Variants in SMG1 observed in about 807,000 individuals in gnomAD.
SMG1 encodes the protein SMG1 nonsense mediated mRNA decay associated PI3K related kinase.
Under a neutral mutation model 419.9 loss-of-function variants are expected in SMG1, and 22 were observed. That is an observed-to-expected ratio of 0.05 (90% CI 0.04 to 0.07). SMG1 has a LOEUF of 0.07. SMG1 is among the 10% of genes least tolerant of loss of function. SMG1 has a pLI of 1.00. For missense variants in SMG1, 3,185 were observed against 4,342.0 expected (o/e 0.73, Z 7.49); for synonymous variants, 1,538 against 1,553.5 (o/e 0.99, Z 0.23).
At position 18,812,144 on chromosome 16, in the gene SMG1, G is replaced by A; in HGVS notation, c.10622-17C>T. On this transcript the variant is annotated splice_polypyrimidine_tract_variant and intron_variant, in intron 60 of 62. Coordinates refer to ENST00000446231, the MANE Select transcript of SMG1 (RefSeq NM_015092.5). ...TCCGGACTGCTACAGAGAAAGAGTTGGTGGCTCAATTTACATGTAAACAGA... is the reference window on the plus strand; with the variant it reads ...TCCGGACTGCTACAGAGAAAGAGTTAGTGGCTCAATTTACATGTAAACAGA... The A allele has an allele frequency of 1.2e-6, 2 of 1,603,858 alleles. No homozygotes were observed. Among genetic ancestry groups the A allele is most frequent in the Non-Finnish European group, 1.7e-6 (2 of 1,175,052 alleles).
At chr16:18,919,806 A>C (rs2038124726) in intron 1 of SMG1, among the ~76,000 whole-genome samples, 1 of 151,658 alleles carries the variant, frequency 6.6e-6, no homozygotes, top group Admixed American at 6.6e-5. Context: ...ATCAAAACAA[A>C]AGGGGTTGGG....
intron 22 of SMG1, among the ~76,000 whole-genome samples, chr16:18,867,700 CTTT>C (rs778044384): frequency 3.9e-3 from 345 of 87,872 alleles, no homozygotes; most frequent in African/African-American, 0.01. Context: ...ATTTTAACTT[CTTT>C]TTTTTTTTTT....
chr16:18,856,164 G>A (rs145402185), intron 29 of SMG1, among the ~76,000 whole-genome samples: 1,957 of 139,604 alleles, frequency 0.014, 53 homozygotes, highest in African/African-American at 0.051. Context: ...GTTATTTGCT[G>A]TTCCTTCTTA....
intron 1 of SMG1, among the ~76,000 whole-genome samples, chr16:18,902,651 A>G (rs1279479093): frequency 6.6e-6 from 1 of 151,470 alleles, no homozygotes; most frequent in East Asian, 1.9e-4. Context: ...GGGCACAGTG[A>G]GCTGTGATCA....
At chr16:18,885,437 A>G (rs545532866) in intron 7 of SMG1, 104 bp downstream of exon 7, 2 of 1,403,916 alleles carry the variant, frequency 1.4e-6, no homozygotes, top group South Asian at 2.3e-5. Flanking sequence ...CACTGATTAT[A>G]TTCAAAGGAG....
intron 51 of SMG1, 108 bp from the exon 52 acceptor site, chr16:18,830,477 G>C: frequency 7.9e-7 from 1 of 1,261,652 alleles, no homozygotes; most frequent in Admixed American, 2.3e-5. Flanking sequence ...AGTCTAGAAA[G>C]CCTTCTGGCA....
At chr16:18,924,920 T>C (rs1298024864) in intron 1 of SMG1, 1 of 152,188 alleles carries the variant, frequency 6.6e-6, no homozygotes, top group Non-Finnish European at 1.5e-5. Context: ...ACAAAAGGGC[T>C]TCCCAACAAC....
In SMG1 at chr16:18,842,228, C is replaced by G; in HGVS notation, c.6446G>C (p.Ser2149Thr). 1 of 1,613,668 alleles carries G rather than the reference C, an allele frequency of 6.2e-7. No individual in the cohort carries two copies. The highest frequency in any genetic ancestry group is 1.1e-5 in the South Asian group (1 of 90,996). ...CCTACCTTTGAAAAGATAAGGATAG[C>G]TCTTCCCATCTGATCCAAGAAAGAG... is the stretch of plus-strand genomic sequence containing the variant. Reference protein sequence around the residue: ...KLLFLGSDGKSYPYLFKGLED... With the variant: ...KLLFLGSDGKTYPYLFKGLED... The change falls in exon 40 of 63, where the codon AGC (serine) becomes ACC (threonine). Residue 2149 changes from serine to threonine, a missense_variant. Ser to Thr is a moderately conservative substitution (Grantham distance 58). Around this residue, in one of 27 missense-constraint regions of SMG1, gnomAD observed 159 missense variants for 196.0 expected, o/e 0.81. Transcript: ENST00000446231.
rs780451096 is a variant in SMG1, at chr16:18,847,836, T to C, written c.5821A>G (p.Asn1941Asp). Residue 1941 changes from asparagine (N) to aspartate (D), a missense_variant, in exon 37 of 63, where the codon AAC (asparagine) becomes GAC (aspartate). Physicochemically the swap from Asn to Asp is conservative, Grantham distance 23. Coordinates refer to ENST00000446231, the MANE Select transcript of SMG1 (RefSeq NM_015092.5). ...SKIVDKLSSA[N>D]PTMVLQVQML... ...TGTACCTGTAATACCATGGTGGGGT[T>C]TGCAGAGGACAGCTTATCTACAATT... 8 of 1,614,026 alleles carry C rather than the reference T, an allele frequency of 5.0e-6. No individual in the cohort carries two copies. The South Asian group carries it at 7.7e-5, about 16-fold the overall frequency.
Position 18,859,197 on chromosome 16 carries a change from T to C in SMG1, c.3954-16A>G. 6.6e-7 allele frequency: 1 copy of C among 1,525,300 alleles called. No individual in the cohort carries two copies. Among genetic ancestry groups the C allele is most frequent in the Non-Finnish European group, 8.8e-7 (1 of 1,138,688 alleles). The allele number at this position is 1,525,300 out of a possible 1,614,324, so 94.5% of individuals were successfully genotyped here. A position where few individuals can be genotyped will look rare whatever the true frequency, so the allele number is the denominator to read the frequency against. ...TACCACATTTCTGAAACAAAATATT[T>C]ACTGCCAATTAATAAAAATTACAAT... On this transcript the variant is annotated splice_polypyrimidine_tract_variant and intron_variant, in intron 27 of 62. Transcript: ENST00000446231.
At chr16:18,863,456 G>A (rs1327268631) in intron 25 of SMG1, among the ~76,000 whole-genome samples, 194 bp downstream of exon 25, 2 of 152,210 alleles carry the variant, frequency 1.3e-5, no homozygotes, top group African/African-American at 4.8e-5. Context: ...TATCTCAGCA[G>A]TGTTTTCCCA....
At position 18,837,343 on chromosome 16, in the gene SMG1, A is replaced by G. The variant is rs763749262; in HGVS notation, c.7514T>C (p.Val2505Ala). 2 of 1,613,920 alleles carry G rather than the reference A, an allele frequency of 1.2e-6. No homozygotes were observed. Among genetic ancestry groups the G allele is most frequent in the Non-Finnish European group, 1.7e-6 (2 of 1,179,870 alleles). ...CAGTAGTTTGCCCTGCAGTTTTTCCACATCTGTCAGTTGCTCTTGCAAGCT... is the reference window on the plus strand; with the variant it reads ...CAGTAGTTTGCCCTGCAGTTTTTCCGCATCTGTCAGTTGCTCTTGCAAGCT... ...YLSLQEQLTDVEKLQGKLLEE... is the reference protein window; with the variant it reads ...YLSLQEQLTDAEKLQGKLLEE... Residue 2505 changes from valine to alanine, a missense_variant, in exon 46 of 63, where the codon GTG (valine) becomes GCG (alanine). This residue lies in a region of SMG1 where 412 missense variants were observed against 546.6 expected (regional missense o/e 0.75). Transcript: ENST00000446231.
At chr16:18,881,552 T>A (rs572281833) in intron 10 of SMG1, among the ~76,000 whole-genome samples, 16 of 152,334 alleles carry the variant, frequency 1.1e-4, no homozygotes, top group African/African-American at 3.1e-4. Context: ...TATGACTATA[T>A]CACACATGCT....
chr16:18,851,851 T>C (rs1447929531), intron 33 of SMG1, among the ~76,000 whole-genome samples: 2 of 152,188 alleles, frequency 1.3e-5, no homozygotes, highest in African/African-American at 4.8e-5. Context: ...CCAACTCACC[T>C]ATTTTTAACA....
chr16:18,862,883 G>A (rs1183663631), intron 25 of SMG1, among the ~76,000 whole-genome samples: 2 of 152,130 alleles, frequency 1.3e-5, no homozygotes, highest in Non-Finnish European at 2.9e-5. Flanking sequence ...CTCACATCAG[G>A]TCTAGGGCCA....
intron 38 of SMG1, 114 bp downstream of exon 38, chr16:18,847,339 A>G (rs2034325323): frequency 9.0e-7 from 1 of 1,113,622 alleles, no homozygotes; most frequent in Admixed American, 2.0e-5. Context: ...TGGTGAATGT[A>G]TTTAATGCCA....
chr16:18,873,558 T>C (rs2035940991), intron 13 of SMG1, among the ~76,000 whole-genome samples: 1 of 152,208 alleles, frequency 6.6e-6, no homozygotes, highest in Admixed American at 6.5e-5. Context: ...AGTGTTGTGA[T>C]GGTTGTACAC....
chr16:18,860,758 C>G lies in SMG1; in HGVS notation c.3714G>C (p.Glu1238Asp), dbSNP rs574922444. The change falls in exon 26 of 63, where the codon GAG becomes GAC. Residue 1238 changes from glutamate (E) to aspartate (D), a missense_variant. Coordinates refer to ENST00000446231, the MANE Select transcript of SMG1 (RefSeq NM_015092.5). ...CGGTACATTCAACAAATTTTCCAGACTCAAAGCTGCTTAATGATCTGTAAT... is the reference window on the plus strand; with the variant it reads ...CGGTACATTCAACAAATTTTCCAGAGTCAAAGCTGCTTAATGATCTGTAAT... ...FNYIKSLSSF[E>D]SGKFVECTEQ... 2.7e-6 allele frequency: 4 copies of G among 1,501,986 alleles called. No individual in the cohort carries two copies. The East Asian group carries it at 6.8e-5, about 25-fold the overall frequency. 93.0% of individuals were successfully genotyped at this position (1,501,986 alleles called of 1,614,324 possible). A position where few individuals can be genotyped will look rare whatever the true frequency, so the allele number is the denominator to read the frequency against.
At chr16:18,899,222 A>G (rs1238718925) in intron 1 of SMG1, among the ~76,000 whole-genome samples, 3 of 152,164 alleles carry the variant, frequency 2.0e-5, no homozygotes, top group Admixed American at 1.3e-4. Flanking sequence ...GCTACCAACA[A>G]TGTGTTTCCA....
Sources: gnomAD v4.1 joint callset for allele counts (sites outside exome capture counted in the v4.1 genomes callset) on GRCh38, gnomAD v4.1.1 for gene constraint, gnomAD v4.1.1 regional missense constraint, MANE v1.5 for transcripts, NCBI Gene and HGNC (gene_info 2026-07-23, HGNC 2026-07-21) for gene names.